The following COL25A1 variants were observed in gnomAD, a reference collection of about 807,000 sequenced individuals.
COL25A1 encodes the protein collagen alpha-1(XXV) chain.
In COL25A1, 103 loss-of-function variants were observed where a neutral mutation model predicts 128.4. That is an observed-to-expected ratio of 0.80 (90% CI 0.68 to 0.94). COL25A1 has a LOEUF of 0.94. COL25A1 is among the 40% of genes least tolerant of loss of function. The pLI is 0.00. For missense variants in COL25A1, 745 were observed against 840.0 expected (o/e 0.89, Z 1.40); for synonymous variants, 279 against 277.2 (o/e 1.01, Z -0.06).
rs117985452 is a variant in COL25A1 at position 109,219,001 on chromosome 4, T to C, written c.367+81582A>G. On this transcript the variant is annotated intron_variant, in intron 3 of 37. Transcript: ENST00000399132. ...GAGGTTTCAGTGATGTCAAACTAGT[T>C]ATAGGGAGAATCTGATCAGCCACCT... 7.6e-3 allele frequency among the ~76,000 whole-genome samples: 1,156 copies of C among 152,194 alleles called. 56 individuals carry two copies. The South Asian group carries it at 0.14, about 18-fold the overall frequency.
intron 32 of COL25A1, among the ~76,000 whole-genome samples, chr4:108,829,511 C>A (rs765300151): frequency 6.6e-6 from 1 of 151,810 alleles, no homozygotes; most frequent in Non-Finnish European, 1.5e-5. Context: ...AAGGGAGGAG[C>A]CACATAAACT....
At position 109,155,688 on chromosome 4, in the gene COL25A1, C is replaced by G. The variant is rs144280603; in HGVS notation, c.368-105509G>C. 8.1e-3 allele frequency among the ~76,000 whole-genome samples: 1,235 copies of G among 152,302 alleles called. 7 individuals are homozygous for G. Among genetic ancestry groups the G allele is most frequent in the Non-Finnish European group, 0.012 (801 of 68,012 alleles). On this transcript the variant is annotated intron_variant, in intron 3 of 37. Transcript: ENST00000399132. ...GATGTTCAAAATAAATTATCACAGACTAATCTATCATGCATTATCTTCATC... is the reference window on the plus strand; with the variant it reads ...GATGTTCAAAATAAATTATCACAGAGTAATCTATCATGCATTATCTTCATC...
intron 3 of COL25A1, among the ~76,000 whole-genome samples, chr4:109,088,927 C>G (rs1442535179): frequency 1.3e-5 from 2 of 152,198 alleles, no homozygotes; most frequent in African/African-American, 4.8e-5. Flanking sequence ...GTGGTACCCT[C>G]TTCTCTTAGA....
chr4:109,276,214 C>T lies in COL25A1; in HGVS notation c.367+24369G>A, dbSNP rs188558303. Among the ~76,000 whole-genome samples the T allele has an allele frequency of 7.0e-4, 107 of 152,112 alleles. 1 individual carries two copies. Among genetic ancestry groups the T allele is most frequent in the African/African-American group, 2.1e-3 (89 of 41,492 alleles). On this transcript the variant is annotated intron_variant, in intron 3 of 37. Transcript: ENST00000399132. Reference sequence around the variant, plus strand: ...TCACCTGAGGTCAGGAGATCAAGACCATCCTGGCTAACATGGTGAAACCTC... The same window carrying T: ...TCACCTGAGGTCAGGAGATCAAGACTATCCTGGCTAACATGGTGAAACCTC...
chr4:109,218,056 A>G (rs1778134319), intron 3 of COL25A1, among the ~76,000 whole-genome samples: 2 of 152,116 alleles, frequency 1.3e-5, no homozygotes, highest in Admixed American at 1.3e-4. Context: ...TTTATGCACT[A>G]TTCTATATTC....
At chr4:109,293,903 C>T (rs535126543) in intron 3 of COL25A1, among the ~76,000 whole-genome samples, 2 of 152,136 alleles carry the variant, frequency 1.3e-5, no homozygotes, top group South Asian at 4.1e-4. Flanking sequence ...GTACAAAATC[C>T]TCAACAGGTA....
chr4:109,194,968 T>C (rs1321171641), intron 3 of COL25A1, among the ~76,000 whole-genome samples: 1 of 152,140 alleles, frequency 6.6e-6, no homozygotes, highest in Admixed American at 6.5e-5. Flanking sequence ...ATAAAGTAAT[T>C]GGATTATTTA....
At chr4:108,831,610 A>G (rs1185039443) in intron 32 of COL25A1, among the ~76,000 whole-genome samples, 1 of 152,124 alleles carries the variant, frequency 6.6e-6, no homozygotes, top group Non-Finnish European at 1.5e-5. Flanking sequence ...AATTCCACTC[A>G]GACACACAAA....
intron 6 of COL25A1, among the ~76,000 whole-genome samples, chr4:108,989,332 G>A (rs137873591): frequency 0.01 from 1,532 of 152,272 alleles, 26 homozygotes; most frequent in African/African-American, 0.034. Context: ...AAGTAGTAAT[G>A]TTTCCTTCAC....
intron 15 of COL25A1, among the ~76,000 whole-genome samples, chr4:108,898,387 C>A (rs1288668103): frequency 2.6e-5 from 4 of 152,072 alleles, no homozygotes; most frequent in Non-Finnish European, 4.4e-5. Context: ...TCAGAAAGAC[C>A]ATATCACTTA....
intron 13 of COL25A1, among the ~76,000 whole-genome samples, chr4:108,904,380 G>A (rs1046673328): frequency 6.6e-6 from 1 of 151,844 alleles, no homozygotes; most frequent in African/African-American, 2.4e-5. Context: ...CATTTTTAGG[G>A]GCAAAGTTTT....
Position 108,819,284 on chromosome 4 carries a change from C to G in COL25A1, c.1891G>C (p.Gly631Arg). 6.2e-7 allele frequency: 1 copy of G among 1,613,248 alleles called. No individual in the cohort carries two copies. The highest frequency in any genetic ancestry group is 1.7e-4 in the Middle Eastern group (1 of 6,056). The change falls in exon 36 of 38, where the codon GGC (glycine) becomes CGC (arginine). Residue 631 changes from glycine (G) to arginine (R), a missense_variant. This residue lies in a region of COL25A1 where 387 missense variants were observed against 441.9 expected (regional missense o/e 0.88). Transcript: ENST00000399132. ...KGEKGEPGQP[G>R]LDGLDAPCQL... ...CAAGGGGCATCCAGCCCATCCAGGCCAGGCTGGCCTGGCTCCCCTTTTTCC... is the reference window on the plus strand; with the variant it reads ...CAAGGGGCATCCAGCCCATCCAGGCGAGGCTGGCCTGGCTCCCCTTTTTCC...
At chr4:108,830,439 C>T (rs11725501) in intron 32 of COL25A1, among the ~76,000 whole-genome samples, 50,442 of 152,070 alleles carry the variant, frequency 0.33, 8,419 homozygotes, top group East Asian at 0.37. Flanking sequence ...GAACACCTCC[C>T]TTTGCCGATT....
At chr4:109,070,106 A>T (rs1762793725) in intron 3 of COL25A1, among the ~76,000 whole-genome samples, 1 of 152,018 alleles carries the variant, frequency 6.6e-6, no homozygotes, top group African/African-American at 2.4e-5. Context: ...AATATAAAAA[A>T]AAACTAGCCG....
chr4:109,224,016 AT>A (rs1225227963), intron 3 of COL25A1, among the ~76,000 whole-genome samples: 17 of 152,196 alleles, frequency 1.1e-4, no homozygotes, highest in Admixed American at 1.0e-3. Context: ...CTACACTGAC[AT>A]TTACTTCATT....
intron 5 of COL25A1, among the ~76,000 whole-genome samples, chr4:109,032,345 T>C (rs1228973895): frequency 6.6e-6 from 1 of 152,164 alleles, no homozygotes; most frequent in Non-Finnish European, 1.5e-5. Flanking sequence ...AACCTACATT[T>C]ATTAAGCCAG....
chr4:109,234,098 AT>A (rs1779323411), intron 3 of COL25A1, among the ~76,000 whole-genome samples: 1 of 152,176 alleles, frequency 6.6e-6, no homozygotes, highest in Non-Finnish European at 1.5e-5. Flanking sequence ...TTATCACATT[AT>A]AGAAAAAATA....
At chr4:108,884,317 C>T (rs781509470) in intron 18 of COL25A1, 95 bp from the exon 19 acceptor site, 9 of 1,135,372 alleles carry the variant, frequency 7.9e-6, no homozygotes, top group Non-Finnish European at 1.2e-5. Context: ...TCAATACTTT[C>T]TGCAAAGATA....
chr4:109,031,205 G>A (rs1051016240), intron 5 of COL25A1, among the ~76,000 whole-genome samples: 12 of 152,110 alleles, frequency 7.9e-5, no homozygotes, highest in African/African-American at 2.2e-4. Context: ...TCCACCTCCC[G>A]GGTCCACGCC....
Sources: allele counts gnomAD v4.1 joint callset (sites outside exome capture counted in the v4.1 genomes callset), GRCh38; gene constraint gnomAD v4.1.1; regional missense constraint gnomAD v4.1.1; transcripts MANE v1.5; gene names NCBI Gene and HGNC (gene_info 2026-07-23, HGNC 2026-07-21).